Variants in FARS2 observed in about 807,000 individuals in gnomAD.
The protein encoded by FARS2 is phenylalanine--tRNA ligase, mitochondrial.
Under a neutral mutation model 46.4 loss-of-function variants are expected in FARS2, and 40 were observed. The observed-to-expected ratio is 0.86, with a 90% confidence interval of 0.67 to 1.12. The LOEUF (loss-of-function observed/expected upper bound fraction) is 1.12. Ranked by LOEUF, FARS2 falls within the 50% of genes most tolerant of loss-of-function variation. FARS2 has a pLI of 0.00. For missense variants in FARS2, 513 were observed against 567.9 expected (o/e 0.90, Z 0.98); for synonymous variants, 234 against 214.9 (o/e 1.09, Z -0.78).
At chr6:5,413,600 T>C (rs935097938) in intron 3 of FARS2, among the ~76,000 whole-genome samples, 5 of 152,164 alleles carry the variant, frequency 3.3e-5, no homozygotes, top group African/African-American at 1.2e-4. Context: ...TACTAAGGAA[T>C]TGATCATCAG....
chr6:5,315,863 A>T (rs575122493), intron 1 of FARS2, among the ~76,000 whole-genome samples: 1 of 152,228 alleles, frequency 6.6e-6, no homozygotes, highest in South Asian at 2.1e-4. Context: ...ATGATAAACT[A>T]CCATCTAGGA....
intron 6 of FARS2, among the ~76,000 whole-genome samples, chr6:5,757,238 A>G (rs1215385279): frequency 1.3e-5 from 2 of 152,134 alleles, no homozygotes; most frequent in Non-Finnish European, 2.9e-5. Flanking sequence ...TTGGAAATGG[A>G]CAACTGCAAC....
At chr6:5,515,808 T>A (rs894035164) in intron 4 of FARS2, among the ~76,000 whole-genome samples, 3 of 152,238 alleles carry the variant, frequency 2.0e-5, no homozygotes, top group African/African-American at 7.2e-5. Context: ...TGATACGTCT[T>A]AAATTTAATG....
intron 6 of FARS2, among the ~76,000 whole-genome samples, chr6:5,743,741 G>A (rs1730558958): frequency 6.6e-6 from 1 of 152,210 alleles, no homozygotes; most frequent in African/African-American, 2.4e-5. Flanking sequence ...ATGAATGGAA[G>A]CTTGGAAAGC....
rs942529940 is a variant in FARS2 at position 5,374,996 on chromosome 6, A to G, written c.612+5814A>G. ...CAGCAAACATAATTAATGGTGCATC[A>G]TTCTAAATATTTCTATCCAAATTAG... On this transcript the variant is annotated intron_variant, in intron 2 of 6. Transcript: ENST00000274680. Among the ~76,000 whole-genome samples the G allele has an allele frequency of 4.8e-4, 73 of 152,128 alleles. 1 individual carries two copies. Among genetic ancestry groups the G allele is most frequent in the Non-Finnish European group, 1.8e-4 (12 of 67,930 alleles).
chr6:5,709,880 T>C (rs1302891275), intron 6 of FARS2, among the ~76,000 whole-genome samples: 1 of 152,136 alleles, frequency 6.6e-6, no homozygotes, highest in Non-Finnish European at 1.5e-5. Context: ...TTCAAGCTCT[T>C]GGTGAGTGCT....
intron 6 of FARS2, among the ~76,000 whole-genome samples, chr6:5,738,850 T>G (rs1239246741): frequency 6.6e-6 from 1 of 152,130 alleles, no homozygotes; most frequent in Admixed American, 6.5e-5. Context: ...TCGTTGTCGG[T>G]TTTTTTCATT....
At chr6:5,276,859 C>G (rs1385235728) in intron 1 of FARS2, among the ~76,000 whole-genome samples, 2 of 152,216 alleles carry the variant, frequency 1.3e-5, no homozygotes, top group Non-Finnish European at 2.9e-5. Context: ...CCAAAGATTT[C>G]TCTCTGCCTG....
intron 4 of FARS2, chr6:5,466,495 GGA>G (rs1765521695): frequency 1.0e-6 from 1 of 976,176 alleles, no homozygotes; most frequent in African/African-American, 1.8e-5. Flanking sequence ...AATGTTTAGT[GGA>G]AGAAGATAAG....
chr6:5,435,408 C>T (rs1319246206), intron 4 of FARS2, among the ~76,000 whole-genome samples: 1 of 152,270 alleles, frequency 6.6e-6, no homozygotes, highest in Non-Finnish European at 1.5e-5. Flanking sequence ...TTTTATTACA[C>T]ATTTAAGCAA....
intron 1 of FARS2, among the ~76,000 whole-genome samples, chr6:5,282,855 A>G (rs1766835672): frequency 6.6e-6 from 1 of 152,230 alleles, no homozygotes; most frequent in Non-Finnish European, 1.5e-5. Flanking sequence ...GCCAAATGGC[A>G]GAGATATTGT....
intron 1 of FARS2, among the ~76,000 whole-genome samples, chr6:5,339,165 C>T (rs1171366272): frequency 6.6e-6 from 1 of 152,166 alleles, no homozygotes; most frequent in African/African-American, 2.4e-5. Flanking sequence ...GGCTATACTA[C>T]TCTGTCAGTA....
Position 5,585,788 on chromosome 6 carries a change from A to T in FARS2, c.1066-27381A>T, listed in dbSNP as rs1452053209. The stretch of plus-strand genomic sequence containing the variant: ...TATAAACACTTATATACACATATAT[A>T]TGTCAATTTCTTTATTCATTTATCA... On this transcript the variant is annotated intron_variant, in intron 5 of 6. Coordinates refer to ENST00000274680, the MANE Select transcript of FARS2 (RefSeq NM_006567.5). Among the ~76,000 whole-genome samples the T allele has an allele frequency of 2.0e-5, 3 of 152,062 alleles. No individual in the cohort carries two copies. The East Asian group carries it at 5.8e-4, about 29-fold the overall frequency.
At position 5,495,693 on chromosome 6, in the gene FARS2, T is replaced by C. The variant is rs1409674820; in HGVS notation, c.905-49487T>C. Among the ~76,000 whole-genome samples, 5 of 152,324 alleles carry C rather than the reference T, an allele frequency of 3.3e-5. No individual in the cohort carries two copies. In the East Asian group the frequency reaches 9.6e-4, roughly 29 times the overall value. Reference sequence around the variant, plus strand: ...AAAGTTTTATCCAAAATTAAACCAGTAATACTGAGGTGGTAGCTCATAGAG... The same window carrying C: ...AAAGTTTTATCCAAAATTAAACCAGCAATACTGAGGTGGTAGCTCATAGAG... On this transcript the variant is annotated intron_variant, in intron 4 of 6. Coordinates refer to ENST00000274680, the MANE Select transcript of FARS2 (RefSeq NM_006567.5).
At chr6:5,658,261 A>G (rs1348169491) in intron 6 of FARS2, among the ~76,000 whole-genome samples, 2 of 152,026 alleles carry the variant, frequency 1.3e-5, no homozygotes, top group Admixed American at 6.5e-5. Flanking sequence ...TGTCTCAAAA[A>G]AAAAAAAAAA....
At chr6:5,260,598 T>TGCCCCGGGCCCGGGG, upstream of FARS2, 2 of 1,105,568 alleles carry the variant, frequency 1.8e-6, no homozygotes, top group Non-Finnish European at 2.6e-6. Context: ...GCACCCCCGG[T>TGCCCCGGGCCCGGGG]CCCCGGCCCC....
intron 5 of FARS2, among the ~76,000 whole-genome samples, chr6:5,567,091 C>G (rs1184659195): frequency 6.6e-6 from 1 of 152,248 alleles, no homozygotes; most frequent in East Asian, 1.9e-4. Flanking sequence ...GGTTTACAGT[C>G]TATACTCTAT....
At chr6:5,762,744 T>C (rs1762544147) in intron 6 of FARS2, among the ~76,000 whole-genome samples, 2 of 151,830 alleles carry the variant, frequency 1.3e-5, no homozygotes, top group South Asian at 4.2e-4. Context: ...TGGATTGGAG[T>C]TGTCTTTCCC....
At chr6:5,724,237 C>A (rs986902248) in intron 6 of FARS2, among the ~76,000 whole-genome samples, 1 of 152,212 alleles carries the variant, frequency 6.6e-6, no homozygotes, top group Non-Finnish European at 1.5e-5. Flanking sequence ...GGGCAACCAC[C>A]GGTGCCCTCC....
Sources: gnomAD v4.1 joint callset for allele counts (sites outside exome capture counted in the v4.1 genomes callset) on GRCh38, gnomAD v4.1.1 for gene constraint, MANE v1.5 for transcripts, NCBI Gene and HGNC (gene_info 2026-07-23, HGNC 2026-07-21) for gene names.